Variants in EDIL3 observed in about 807,000 individuals in gnomAD.
EDIL3 encodes the protein EGF-like repeat and discoidin I-like domain-containing protein 3.
In EDIL3, 37 loss-of-function variants were observed where a neutral mutation model predicts 67.4. That is an observed-to-expected ratio of 0.55 (90% CI 0.42 to 0.72). The LOEUF (loss-of-function observed/expected upper bound fraction) is 0.72, where lower values mean the gene tolerates loss of function less well. Ranked by LOEUF, EDIL3 falls within the 30% of genes least tolerant of loss-of-function variation. EDIL3 has a pLI of 0.00. For synonymous variants in EDIL3, 195 were observed against 196.3 expected, an observed-to-expected ratio of 0.99 and a Z score of 0.05; for missense variants, 527 against 586.3, an observed-to-expected ratio of 0.90 and a Z score of 1.04.
At chr5:84,147,182 A>G (rs1239160585) in intron 4 of EDIL3, among the ~76,000 whole-genome samples, 1 of 152,126 alleles carries the variant, frequency 6.6e-6, no homozygotes, top group African/African-American at 2.4e-5. Context: ...AAAATTCTGT[A>G]TGTGATCTTC....
chr5:84,044,889 G>A (rs1462358551), intron 9 of EDIL3, among the ~76,000 whole-genome samples: 1 of 152,180 alleles, frequency 6.6e-6, no homozygotes, highest in Non-Finnish European at 1.5e-5. Context: ...CCTTCAGGGG[G>A]CAGGCCAGAG....
chr5:84,280,892 A>C (rs1205857229), intron 1 of EDIL3, among the ~76,000 whole-genome samples: 1 of 149,034 alleles, frequency 6.7e-6, no homozygotes, highest in African/African-American at 2.5e-5. Flanking sequence ...TTGAAGCTAC[A>C]GTGAATGAAG....
At chr5:84,028,735 A>G (rs979238907) in intron 9 of EDIL3, among the ~76,000 whole-genome samples, 1 of 152,150 alleles carries the variant, frequency 6.6e-6, no homozygotes, top group Non-Finnish European at 1.5e-5. Flanking sequence ...ATATTCATGT[A>G]AACACGGAGT....
intron 5 of EDIL3, among the ~76,000 whole-genome samples, chr5:84,132,482 T>C (rs1178407405): frequency 1.1e-4 from 1 of 9,248 alleles, no homozygotes; most frequent in Admixed American, 1.5e-3. Context: ...ATATATATTT[T>C]AATATATATT....
chr5:83,977,698 C>T (rs940255963), intron 9 of EDIL3, among the ~76,000 whole-genome samples: 1 of 151,676 alleles, frequency 6.6e-6, no homozygotes, highest in African/African-American at 2.4e-5. Flanking sequence ...ATTTTAAATG[C>T]ATTGGCATAA....
chr5:84,247,149 A>T (rs1290433264), intron 2 of EDIL3, among the ~76,000 whole-genome samples: 2 of 152,144 alleles, frequency 1.3e-5, no homozygotes, highest in Non-Finnish European at 2.9e-5. Flanking sequence ...AGCTCTCATT[A>T]TGGTAACTTC....
intron 1 of EDIL3, among the ~76,000 whole-genome samples, chr5:84,369,425 G>A (rs1372513863): frequency 6.6e-6 from 1 of 151,982 alleles, no homozygotes; most frequent in Non-Finnish European, 1.5e-5. Flanking sequence ...ACATTCTAAC[G>A]TATGCTACAA....
intron 6 of EDIL3, among the ~76,000 whole-genome samples, chr5:84,102,717 A>T (rs935349243): frequency 1.3e-5 from 2 of 152,108 alleles, no homozygotes; most frequent in Non-Finnish European, 2.9e-5. Flanking sequence ...TGGTCCAAGA[A>T]ATCAGAGATA....
intron 3 of EDIL3, among the ~76,000 whole-genome samples, chr5:84,186,533 T>A (rs533595842): frequency 6.6e-6 from 1 of 152,204 alleles, no homozygotes; most frequent in African/African-American, 2.4e-5. Context: ...TCTCTTTTAC[T>A]GTGAATATAC....
intron 3 of EDIL3, among the ~76,000 whole-genome samples, chr5:84,188,788 G>C (rs1743519353): frequency 6.6e-6 from 1 of 152,092 alleles, no homozygotes; most frequent in Non-Finnish European, 1.5e-5. Context: ...GCCACAGCAA[G>C]AAGGCAGCTA....
chr5:83,974,541 G>A (rs979847924), intron 9 of EDIL3, among the ~76,000 whole-genome samples: 13 of 151,888 alleles, frequency 8.6e-5, no homozygotes, highest in African/African-American at 1.9e-4. Context: ...AAAGGGATAC[G>A]AATTATTTCC....
chr5:84,336,316 G>C (rs1015192179), intron 1 of EDIL3, among the ~76,000 whole-genome samples: 5 of 152,296 alleles, frequency 3.3e-5, no homozygotes, highest in Non-Finnish European at 7.4e-5. Flanking sequence ...GGTAAATGTG[G>C]ATCAGGTCAT....
At chr5:84,003,621 T>C (rs2112172235) in intron 9 of EDIL3, among the ~76,000 whole-genome samples, 1 of 152,180 alleles carries the variant, frequency 6.6e-6, no homozygotes, top group South Asian at 2.1e-4. Context: ...CCTTTGCAAA[T>C]GCTAAGGAAA....
At chr5:84,086,087 T>A (rs998175022) in intron 6 of EDIL3, among the ~76,000 whole-genome samples, 7 of 152,210 alleles carry the variant, frequency 4.6e-5, no homozygotes, top group Non-Finnish European at 7.3e-5. Context: ...GGTTCTCAGC[T>A]TGTTGGGCTC....
At chr5:84,363,907 T>A (rs1747672653) in intron 1 of EDIL3, among the ~76,000 whole-genome samples, 1 of 152,198 alleles carries the variant, frequency 6.6e-6, no homozygotes, top group Non-Finnish European at 1.5e-5. Context: ...ATTGTTCATA[T>A]TTTGATCATC....
Position 84,056,852 on chromosome 5 carries a change from A to G in EDIL3, c.1137+3448T>C, listed in dbSNP as rs113839420. Among the ~76,000 whole-genome samples, 133 of 152,232 alleles carry G rather than the reference A, an allele frequency of 8.7e-4. 1 individual carries two copies. The highest frequency in any genetic ancestry group is 2.9e-3 in the African/African-American group (122 of 41,566). ...GATTTTATAAATACATTCAGGATAA[A>G]AATTGACCTCTATGTTACCTCTATA... is the stretch of plus-strand genomic sequence containing the variant. On this transcript the variant is annotated intron_variant, in intron 9 of 10. Coordinates refer to ENST00000296591, the MANE Select transcript of EDIL3 (RefSeq NM_005711.5).
intron 1 of EDIL3, among the ~76,000 whole-genome samples, chr5:84,383,554 T>C (rs1010454960): frequency 6.6e-6 from 1 of 152,238 alleles, no homozygotes; most frequent in African/African-American, 2.4e-5. Context: ...TCCGCTCCTG[T>C]GCGGGGACGC....
At chr5:84,029,902 T>C (rs981296915) in intron 9 of EDIL3, among the ~76,000 whole-genome samples, 2 of 152,210 alleles carry the variant, frequency 1.3e-5, no homozygotes, top group East Asian at 3.8e-4. Context: ...TACCATATTC[T>C]ATTTCAAATG....
intron 9 of EDIL3, among the ~76,000 whole-genome samples, chr5:83,996,968 C>T (rs1018676398): frequency 2.0e-5 from 3 of 152,098 alleles, no homozygotes; most frequent in Admixed American, 1.3e-4. Flanking sequence ...ATAACTGGTA[C>T]ATAGCCAAGT....
Sources: allele counts gnomAD v4.1 joint callset (sites outside exome capture counted in the v4.1 genomes callset), GRCh38; gene constraint gnomAD v4.1.1; transcripts MANE v1.5; gene names NCBI Gene and HGNC (gene_info 2026-07-23, HGNC 2026-07-21).